RPTOR: variants seen among roughly 807,000 people sequenced by gnomAD.
The protein encoded by RPTOR is regulatory-associated protein of mTOR.
Under a neutral mutation model 169.9 loss-of-function variants are expected in RPTOR, and 21 were observed. The observed-to-expected ratio is 0.12, with a 90% CI of 0.09 to 0.18. RPTOR has a LOEUF of 0.18. RPTOR is among the 10% of genes least tolerant of loss of function. The pLI is 1.00. For synonymous variants in RPTOR, 732 were observed against 753.2 expected (o/e 0.97, Z 0.46); for missense variants, 1,133 against 1,855.9 (o/e 0.61, Z 7.16).
chr17:80,614,582 A>G (rs1448170608), intron 1 of RPTOR, among the ~76,000 whole-genome samples: 1 of 152,160 alleles, frequency 6.6e-6, no homozygotes, highest in Non-Finnish European at 1.5e-5. Flanking sequence ...GTTTCTCTCA[A>G]CTTCATGAGA....
At chr17:80,589,231 G>A (rs913759564) in intron 1 of RPTOR, among the ~76,000 whole-genome samples, 1 of 152,140 alleles carries the variant, frequency 6.6e-6, no homozygotes, top group Non-Finnish European at 1.5e-5. Flanking sequence ...TCACTTGCAG[G>A]GACTATGATG....
At chr17:80,870,435 G>A (rs34189581) in intron 13 of RPTOR, among the ~76,000 whole-genome samples, 1 of 152,106 alleles carries the variant, frequency 6.6e-6, no homozygotes, top group Non-Finnish European at 1.5e-5. Flanking sequence ...CTGCAAAGTC[G>A]TTTCACCACA....
intron 20 of RPTOR, among the ~76,000 whole-genome samples, chr17:80,904,251 C>A (rs537367145): frequency 6.6e-6 from 1 of 152,162 alleles, no homozygotes; most frequent in African/African-American, 2.4e-5. Flanking sequence ...GGGGCCGCTG[C>A]GGAAGCCCTC....
At chr17:80,614,129 A>G (rs977045488) in intron 1 of RPTOR, among the ~76,000 whole-genome samples, 1 of 152,180 alleles carries the variant, frequency 6.6e-6, no homozygotes, top group Non-Finnish European at 1.5e-5. Context: ...AAGATAAGCC[A>G]GGCCTGGAAG....
intron 3 of RPTOR, among the ~76,000 whole-genome samples, chr17:80,702,737 T>G (rs2066111678): frequency 6.6e-6 from 1 of 152,130 alleles, no homozygotes; most frequent in South Asian, 2.1e-4. Context: ...AGAGCCAGGG[T>G]CAGAAATGAT....
chr17:80,788,746 A>G (rs1012417301), intron 6 of RPTOR, among the ~76,000 whole-genome samples: 12 of 152,266 alleles, frequency 7.9e-5, no homozygotes, highest in Non-Finnish European at 1.3e-4. Context: ...TATAAAAGAC[A>G]GAACAATGGT....
In RPTOR at chr17:80,964,435, G is replaced by A. The variant is rs925458255; in HGVS notation, c.*105G>A. 111 of 1,125,528 alleles carry A rather than the reference G, an allele frequency of 9.9e-5. 1 individual carries two copies. The highest frequency in any genetic ancestry group is 1.3e-4 in the Non-Finnish European group (98 of 756,620). The allele number at this position is 1,125,528 out of a possible 1,614,324, so 69.7% of individuals were successfully genotyped here. A position where few individuals can be genotyped will look rare whatever the true frequency, so the allele number is the denominator to read the frequency against. On this transcript the variant is annotated 3_prime_UTR_variant, in exon 34 of 34. Transcript: ENST00000306801. Reference sequence around the variant, plus strand: ...GCTGCTGCGGCCCCGCAGTGTGAACGTTGGCTGCTGCCTTAGCTGCTGATG... The same window carrying A: ...GCTGCTGCGGCCCCGCAGTGTGAACATTGGCTGCTGCCTTAGCTGCTGATG...
chr17:80,690,020 G>A (rs957643592), intron 3 of RPTOR, among the ~76,000 whole-genome samples: 3 of 152,206 alleles, frequency 2.0e-5, no homozygotes, highest in African/African-American at 7.2e-5. Context: ...CATTCTAGGG[G>A]AGAGTCTTTT....
In RPTOR at chr17:80,609,698, T is replaced by C. The variant is rs2065256128; in HGVS notation, c.163-15993T>C. 6.6e-6 allele frequency among the ~76,000 whole-genome samples: 1 copy of C among 151,732 alleles called. No individual in the cohort carries two copies. Among genetic ancestry groups the C allele is most frequent in the Non-Finnish European group, 1.5e-5 (1 of 67,962 alleles). ...AGGTGGAGGTTGCAGTGAGCTGAGA[T>C]TGCACTGCTGCACTCCAGCCTGGGC... is the stretch of plus-strand genomic sequence containing the variant. On this transcript the variant is annotated intron_variant, in intron 1 of 33. Transcript: ENST00000306801. The surrounding 1 kb of genome is among the most constrained non-coding windows in gnomAD (Gnocchi z 4.8).
Position 80,936,726 on chromosome 17 carries a change from T to C in RPTOR, c.2920-3770T>C, listed in dbSNP as rs2068959046. ...GAGGGCGAAATTCACTGTACGTAAG[T>C]TACATCTTCATCAACCTCATGTTGC... On this transcript the variant is annotated intron_variant, in intron 24 of 33. Transcript: ENST00000306801. This position sits in a 1 kb window ranked among gnomAD's most constrained non-coding sequence, Gnocchi z 4.1. Among the ~76,000 whole-genome samples, 1 of 152,234 alleles carries C rather than the reference T, an allele frequency of 6.6e-6. No individual in the cohort carries two copies. Among genetic ancestry groups the C allele is most frequent in the South Asian group, 2.1e-4 (1 of 4,836 alleles).
chr17:80,793,281 C>T (rs780987465), intron 7 of RPTOR, among the ~76,000 whole-genome samples: 1 of 152,160 alleles, frequency 6.6e-6, no homozygotes, highest in Non-Finnish European at 1.5e-5. Context: ...GAAACGCTTC[C>T]GGTTCCAAGC....
In RPTOR at chr17:80,609,666, A is replaced by G. The variant is rs2065255863; in HGVS notation, c.163-16025A>G. Reference sequence around the variant, plus strand: ...AGGCTGAGGCATGAGAATCGCTTGAACCCAGGAGGTGGAGGTTGCAGTGAG... The same window carrying G: ...AGGCTGAGGCATGAGAATCGCTTGAGCCCAGGAGGTGGAGGTTGCAGTGAG... On this transcript the variant is annotated intron_variant, in intron 1 of 33. Transcript: ENST00000306801. The surrounding 1 kb of genome is among the most constrained non-coding windows in gnomAD (Gnocchi z 4.8). Among the ~76,000 whole-genome samples the G allele has an allele frequency of 1.3e-5, 2 of 151,728 alleles. No individual in the cohort carries two copies. The highest frequency in any genetic ancestry group is 2.9e-5 in the Non-Finnish European group (2 of 67,958).
In RPTOR at chr17:80,893,704, C is replaced by T. The variant is rs2143877821; in HGVS notation, c.2243-3C>T. On this transcript the variant is annotated splice_region_variant and splice_polypyrimidine_tract_variant and intron_variant, in intron 19 of 33. Transcript: ENST00000306801. ...CCCACTGACCCCGTTGCGTCTCGGG[C>T]AGCTGGTGGCGCGGTGGCGTTCTCC... 6.2e-7 allele frequency: 1 copy of T among 1,608,988 alleles called. No individual in the cohort carries two copies. Among genetic ancestry groups the T allele is most frequent in the Admixed American group, 1.7e-5 (1 of 59,558 alleles).
At chr17:80,952,855 C>CTTTT (rs139746545) in intron 28 of RPTOR, among the ~76,000 whole-genome samples, 2 of 98,078 alleles carry the variant, frequency 2.0e-5, no homozygotes, top group African/African-American at 5.0e-5. Context: ...TTCTTTTCTT[C>CTTTT]TTTTTTTTTT....
rs1567843386 is a variant in RPTOR at position 80,659,772 on chromosome 17, AG to A, written c.348+15963del. On this transcript the variant is annotated intron_variant, in intron 3 of 33. Coordinates refer to ENST00000306801, the MANE Select transcript of RPTOR (RefSeq NM_020761.3). This position sits in a 1 kb window ranked among gnomAD's most constrained non-coding sequence, Gnocchi z 4.3. ...CGCCCCTTGGTCTCCCAAAGTGCTGAGATACAGGCGTGAGCCACTGCGCCCG... is the reference window on the plus strand; with the variant it reads ...CGCCCCTTGGTCTCCCAAAGTGCTGAATACAGGCGTGAGCCACTGCGCCCG... 6.6e-6 allele frequency among the ~76,000 whole-genome samples: 1 copy of A among 152,030 alleles called. No homozygotes were observed. The highest frequency in any genetic ancestry group is 1.5e-5 in the Non-Finnish European group (1 of 67,972).
At chr17:80,747,183 G>A (rs986968447) in intron 5 of RPTOR, among the ~76,000 whole-genome samples, 9 of 152,274 alleles carry the variant, frequency 5.9e-5, no homozygotes, top group African/African-American at 2.2e-4. Context: ...GCCACTGCAC[G>A]CCAGCCTAGG....
Position 80,925,328 on chromosome 17 carries a change from GTGTTTCTTTTTCCTTCCAACCCTCC to G in RPTOR, c.2809-39_2809-15del. 6.5e-7 allele frequency: 1 copy of G among 1,540,582 alleles called. No homozygotes were observed. Among genetic ancestry groups the G allele is most frequent in the Non-Finnish European group, 9.0e-7 (1 of 1,117,094 alleles). On this transcript the variant is annotated splice_polypyrimidine_tract_variant and intron_variant, in intron 23 of 33. Coordinates refer to ENST00000306801, the MANE Select transcript of RPTOR (RefSeq NM_020761.3). ...AGCTCAGGAGTGGCATGACTGACTGGTGTTTCTTTTTCCTTCCAACCCTCCTGCTTAAACCCTGAAGACTGCGGAC... is the reference window on the plus strand; with the variant it reads ...AGCTCAGGAGTGGCATGACTGACTGGTGCTTAAACCCTGAAGACTGCGGAC...
chr17:80,925,242 C>T (rs1022287147), intron 23 of RPTOR, 128 bp from the exon 24 acceptor site: 27 of 708,660 alleles, frequency 3.8e-5, no homozygotes, highest in East Asian at 1.1e-4. Flanking sequence ...ACAGAAGTGC[C>T]GTCCTTAGGG....
chr17:80,962,659 C>G lies in RPTOR; in HGVS notation c.3809+82C>G, dbSNP rs564028814. 91 of 1,315,304 alleles carry G rather than the reference C, an allele frequency of 6.9e-5. No individual in the cohort carries two copies. In the East Asian group the frequency reaches 1.9e-3, roughly 27 times the overall value. 81.5% of individuals were successfully genotyped at this position (1,315,304 alleles called of 1,614,324 possible). ...AAACGGGAGGCTCTTGTGTTCCTGC[C>G]CCCAGGAGCTGAAGGAGGGCAGGGG... On this transcript the variant is annotated intron_variant, in intron 32 of 33. Coordinates refer to ENST00000306801, the MANE Select transcript of RPTOR (RefSeq NM_020761.3).
Sources: gnomAD v4.1 joint callset for allele counts (sites outside exome capture counted in the v4.1 genomes callset) on GRCh38, gnomAD v4.1.1 for gene constraint, Gnocchi (gnomAD v3.1) non-coding constraint, MANE v1.5 for transcripts, NCBI Gene and HGNC (gene_info 2026-07-23, HGNC 2026-07-21) for gene names.